Variants in LRRD1 observed in about 807,000 individuals in gnomAD.
LRRD1 encodes the protein leucine-rich repeat and death domain-containing protein 1.
A neutral mutation model predicts 69.5 loss-of-function variants in LRRD1; 49 were observed. That is an observed-to-expected ratio of 0.70 (90% CI 0.56 to 0.89). LRRD1 has a LOEUF of 0.89. LRRD1 is among the 40% of genes least tolerant of loss of function. The probability of loss-of-function intolerance (pLI) is 0.00; values close to 1 mark genes in which losing one functional copy is unlikely to be tolerated. For synonymous variants in LRRD1, 303 were observed against 338.9 expected, an observed-to-expected ratio of 0.89 and a Z score of 1.16; for missense variants, 853 against 956.0, an observed-to-expected ratio of 0.89 and a Z score of 1.42.
chr7:92,160,673 C>T (rs181196771), intron 2 of LRRD1, among the ~76,000 whole-genome samples: 15 of 152,094 alleles, frequency 9.9e-5, no homozygotes, highest in Admixed American at 3.3e-4. Context: ...ATTAGCTGGA[C>T]GTGGAGGTGA....
At chr7:92,166,770 T>G (rs1788920438) in intron 1 of LRRD1, among the ~76,000 whole-genome samples, 1 of 152,228 alleles carries the variant, frequency 6.6e-6, no homozygotes, top group Non-Finnish European at 1.5e-5. Flanking sequence ...AGATGGGAAT[T>G]TCTTTAATCT....
downstream of LRRD1, chr7:92,142,943 G>C (rs1031257940): frequency 1.1e-5 from 3 of 275,572 alleles, no homozygotes; most frequent in Non-Finnish European, 2.2e-5. Context: ...GAAGGGGACC[G>C]GAACAGGTTG....
chr7:92,154,976 G>C (rs1563190112), intron 3 of LRRD1, among the ~76,000 whole-genome samples: 1 of 152,174 alleles, frequency 6.6e-6, no homozygotes, highest in Non-Finnish European at 1.5e-5. Flanking sequence ...CACTGTGGCT[G>C]TAATTTTGTA....
chr7:92,158,096 C>CA (rs757642942), intron 3 of LRRD1, among the ~76,000 whole-genome samples: 14 of 152,074 alleles, frequency 9.2e-5, no homozygotes, highest in Non-Finnish European at 1.9e-4. Flanking sequence ...CTCCTGTTAC[C>CA]CCCTTGTGTA....
In LRRD1 at chr7:92,163,409, G is replaced by C; in HGVS notation, c.1794C>G (p.Ile598Met). Residue 598 changes from isoleucine (I) to methionine (M), a missense_variant, in exon 2 of 6, where the codon ATC becomes ATG. This residue lies in a region of LRRD1 where 739 missense variants were observed against 808.0 expected (regional missense o/e 0.91). Coordinates refer to ENST00000458448, the MANE Select transcript of LRRD1 (RefSeq NM_001161528.2). The part of the protein sequence containing the change: ...ENQLQKISSD[I>M]CNLKGIQKLN... Reference sequence around the variant, plus strand: ...ATTTCTGGATTCCTTTTAAATTACAGATGTCTGAAGAGATTTTCTGTAATT... The same window carrying C: ...ATTTCTGGATTCCTTTTAAATTACACATGTCTGAAGAGATTTTCTGTAATT... The C allele has an allele frequency of 6.5e-7, 1 of 1,547,570 alleles. No homozygotes were observed. Among genetic ancestry groups the C allele is most frequent in the Non-Finnish European group, 8.7e-7 (1 of 1,145,836 alleles).
intron 1 of LRRD1, among the ~76,000 whole-genome samples, chr7:92,176,105 A>C (rs761897102): frequency 6.6e-6 from 1 of 152,208 alleles, no homozygotes. Context: ...TTTTAGGATA[A>C]GTATGTCAAG....
rs1434097330 is a variant in LRRD1 at position 92,164,371 on chromosome 7, T to C, written c.832A>G (p.Ser278Gly). The change falls in exon 2 of 6, where the codon AGT becomes GGT. Residue 278 changes from serine to glycine, a missense_variant. By Grantham distance (56) the Ser-to-Gly change is moderately conservative (BLOSUM62 0). This residue lies in a region of LRRD1 where 739 missense variants were observed against 808.0 expected (regional missense o/e 0.91). Transcript: ENST00000458448. ...KLRHIPDTLP[S>G]LKTLRVLNLE... ...TTGAGAACCCTCAAGGTTTTTAAAC[T>C]AGGCAGAGTATCTGGTATATGTCTT... is the stretch of plus-strand genomic sequence containing the variant. 2 of 1,548,910 alleles carry C rather than the reference T, an allele frequency of 1.3e-6. No individual in the cohort carries two copies. The highest frequency in any genetic ancestry group is 1.7e-6 in the Non-Finnish European group (2 of 1,146,148).
intron 1 of LRRD1, among the ~76,000 whole-genome samples, chr7:92,174,470 AAT>A (rs1186084706): frequency 0.025 from 514 of 20,230 alleles, 11 homozygotes; most frequent in Non-Finnish European, 0.035. Flanking sequence ...TATCAATTAG[AAT>A]ATATATATAT....
Position 92,146,160 on chromosome 7 carries a change from G to A in LRRD1, c.2319C>T (p.Asn773=). 6.5e-7 allele frequency: 1 copy of A among 1,540,294 alleles called. No individual in the cohort carries two copies. The highest frequency in any genetic ancestry group is 8.8e-7 in the Non-Finnish European group (1 of 1,142,784). ...AAAATTCAAAATTGGTTTCAGTGATGTTGTTGGCAACTATCTTGAATATCT... is the reference window on the plus strand; with the variant it reads ...AAAATTCAAAATTGGTTTCAGTGATATTGTTGGCAACTATCTTGAATATCT... The part of the protein sequence containing the change: ...LEKIFKIVAN[N]ITETNFEFLC... Residue 773 remains asparagine, a synonymous_variant, in exon 5 of 6, where the codon AAC becomes AAT. Coordinates refer to ENST00000458448, the MANE Select transcript of LRRD1 (RefSeq NM_001161528.2).
At chr7:92,143,626 GC>G (rs1820232657), downstream of LRRD1, among the ~76,000 whole-genome samples, 1 of 152,154 alleles carries the variant, frequency 6.6e-6, no homozygotes, top group African/African-American at 2.4e-5. Flanking sequence ...CGAGTGCGGG[GC>G]CGCCGAGCCC....
At position 92,163,447 on chromosome 7, in the gene LRRD1, G is replaced by T. The variant is rs1463082135; in HGVS notation, c.1756C>A (p.Leu586Ile). The T allele has an allele frequency of 6.5e-7, 1 of 1,542,434 alleles. No individual in the cohort carries two copies. The highest frequency in any genetic ancestry group is 2.1e-5 in the Admixed American group (1 of 47,880). ...ATTTTCTGTAATTGGTTTTCCGAAA[G>T]ATCAAGTACTTGCAAATTTTCTAAA... ...CTLENLQVLD[L>I]SENQLQKISS... The change falls in exon 2 of 6, where the codon CTT becomes ATT. Residue 586 changes from leucine (L) to isoleucine (I), a missense_variant. Coordinates refer to ENST00000458448, the MANE Select transcript of LRRD1 (RefSeq NM_001161528.2).
intron 1 of LRRD1, chr7:92,178,763 A>G (rs1320720436): frequency 6.6e-6 from 1 of 152,252 alleles, no homozygotes; most frequent in Non-Finnish European, 1.5e-5. Context: ...AAATATTAAT[A>G]AAGTTGAACA....
chr7:92,152,095 AATAATC>A (rs1820482653), intron 3 of LRRD1, among the ~76,000 whole-genome samples: 1 of 149,936 alleles, frequency 6.7e-6, no homozygotes, highest in Admixed American at 6.7e-5. Flanking sequence ...CCTTTTAGTG[AATAATC>A]ATATTTAGAA....
intron 1 of LRRD1, among the ~76,000 whole-genome samples, chr7:92,168,376 A>G (rs1788969862): frequency 6.6e-6 from 1 of 152,158 alleles, no homozygotes; most frequent in Non-Finnish European, 1.5e-5. Flanking sequence ...GACAACAGCC[A>G]AAAAGAGGAG....
rs923658898 is a variant in LRRD1 at position 92,146,014 on chromosome 7, A to G, written c.2396+69T>C. 7.3e-5 allele frequency: 58 copies of G among 798,522 alleles called. No homozygotes were observed. In the African/African-American group the frequency reaches 8.8e-4, roughly 12 times the overall value. 49.5% of individuals were successfully genotyped at this position (798,522 alleles called of 1,614,324 possible). On this transcript the variant is annotated intron_variant, in intron 5 of 5. Coordinates refer to ENST00000458448, the MANE Select transcript of LRRD1 (RefSeq NM_001161528.2). ...GTGTTAATACGAATGTTTCAAAACC[A>G]TGCAATATCAACATGATATACATCA...
chr7:92,166,221 C>G (rs1204106978), intron 1 of LRRD1, among the ~76,000 whole-genome samples: 1 of 152,166 alleles, frequency 6.6e-6, no homozygotes, highest in Non-Finnish European at 1.5e-5. Context: ...TCTAATGACC[C>G]AGTATTTTCC....
At chr7:92,162,857 T>C (rs1252996561) in intron 2 of LRRD1, among the ~76,000 whole-genome samples, 1 of 152,076 alleles carries the variant, frequency 6.6e-6, no homozygotes, top group Non-Finnish European at 1.5e-5. Context: ...TAAAACCATA[T>C]GCATAACGGG....
chr7:92,148,760 A>AT (rs1459863223), intron 4 of LRRD1, among the ~76,000 whole-genome samples: 1 of 152,110 alleles, frequency 6.6e-6, no homozygotes, highest in Non-Finnish European at 1.5e-5. Context: ...AGATCCTTTC[A>AT]TTTTTTAGAC....
intron 5 of LRRD1, among the ~76,000 whole-genome samples, chr7:92,145,531 C>G (rs1012194091): frequency 3.3e-5 from 5 of 151,712 alleles, no homozygotes; most frequent in Non-Finnish European, 7.4e-5. Flanking sequence ...GCTCCGCCTC[C>G]CGGGTTCACG....
Sources: gnomAD v4.1 joint callset for allele counts (sites outside exome capture counted in the v4.1 genomes callset) on GRCh38, gnomAD v4.1.1 for gene constraint, gnomAD v4.1.1 regional missense constraint, MANE v1.5 for transcripts, NCBI Gene and HGNC (gene_info 2026-07-23, HGNC 2026-07-21) for gene names.